The following CNTN4 variants were observed in gnomAD, a reference collection of about 807,000 sequenced individuals.
CNTN4 encodes contactin-4.
In CNTN4, 77 loss-of-function variants were observed where a neutral mutation model predicts 122.5. The ratio of observed to expected loss-of-function variants is 0.63; its 90% CI spans 0.52 to 0.76. CNTN4 has a LOEUF of 0.76. CNTN4 is among the 30% of genes least tolerant of loss of function. CNTN4 has a pLI of 0.00. For missense variants in CNTN4, 1,256 were observed against 1,259.1 expected, an observed-to-expected ratio of 1.00 and a Z score of 0.04; for synonymous variants, 512 against 447.0, an observed-to-expected ratio of 1.15 and a Z score of -1.83.
rs562616835 is a variant in CNTN4 at position 2,612,895 on chromosome 3, G to A, written c.55+41337G>A. On this transcript the variant is annotated intron_variant, in intron 4 of 24. Coordinates refer to ENST00000418658, the MANE Select transcript of CNTN4 (RefSeq NM_175607.3). ...ACACTGTTTCACCCCAAGAGTGTTA[G>A]CCTTAGTGACCTTGAGACAGAAGAA... 2.0e-5 allele frequency among the ~76,000 whole-genome samples: 3 copies of A among 152,268 alleles called. No individual in the cohort carries two copies. In the South Asian group the frequency reaches 6.2e-4, roughly 32 times the overall value.
intron 2 of CNTN4, among the ~76,000 whole-genome samples, chr3:2,131,864 TC>T (rs2034465238): frequency 6.6e-6 from 1 of 152,184 alleles, no homozygotes; most frequent in South Asian, 2.1e-4. Context: ...TGAGCTTTTT[TC>T]TTATTTGTAA....
chr3:2,428,386 G>T (rs567404806), intron 3 of CNTN4, among the ~76,000 whole-genome samples: 2 of 152,312 alleles, frequency 1.3e-5, no homozygotes, highest in Non-Finnish European at 2.9e-5. Context: ...CTTTAAGAAT[G>T]TTGAATATTG....
chr3:2,518,204 C>G (rs1575826256), intron 3 of CNTN4, among the ~76,000 whole-genome samples: 2 of 150,454 alleles, frequency 1.3e-5, no homozygotes, highest in South Asian at 4.2e-4. Flanking sequence ...AAAACAGTTT[C>G]TTAGGTTAAT....
intron 4 of CNTN4, among the ~76,000 whole-genome samples, chr3:2,719,263 A>G (rs1170876072): frequency 1.4e-5 from 2 of 142,644 alleles, no homozygotes; most frequent in Non-Finnish European, 3.1e-5. Context: ...TAACATTAGA[A>G]CATTAGAAAC....
At chr3:2,353,244 A>G (rs1316106059) in intron 3 of CNTN4, among the ~76,000 whole-genome samples, 1 of 151,908 alleles carries the variant, frequency 6.6e-6, no homozygotes, top group African/African-American at 2.4e-5. Flanking sequence ...AAATGCACCA[A>G]TCAGCACTCT....
intron 3 of CNTN4, among the ~76,000 whole-genome samples, chr3:2,541,323 A>C (rs1293541026): frequency 1.3e-5 from 2 of 152,110 alleles, no homozygotes; most frequent in Non-Finnish European, 2.9e-5. Flanking sequence ...AAAAATAGAC[A>C]ATATTAAAGC....
chr3:2,465,684 T>G (rs2075471885), intron 3 of CNTN4, among the ~76,000 whole-genome samples: 1 of 151,886 alleles, frequency 6.6e-6, no homozygotes, highest in Non-Finnish European at 1.5e-5. Flanking sequence ...CTCAAAAAAA[T>G]AAAAAATTCA....
At chr3:2,680,783 A>G (rs971441034) in intron 4 of CNTN4, among the ~76,000 whole-genome samples, 1 of 152,202 alleles carries the variant, frequency 6.6e-6, no homozygotes, top group African/African-American at 2.4e-5. Context: ...AAAGTTGGAT[A>G]CCAGTTTTAT....
At chr3:2,590,259 T>G (rs1407813201) in intron 4 of CNTN4, among the ~76,000 whole-genome samples, 1 of 152,190 alleles carries the variant, frequency 6.6e-6, no homozygotes, top group Admixed American at 6.5e-5. Flanking sequence ...TTCTTCTTTT[T>G]TTGTTGTTTT....
intron 8 of CNTN4, among the ~76,000 whole-genome samples, chr3:2,873,567 T>C (rs996565439): frequency 6.6e-6 from 1 of 152,206 alleles, no homozygotes; most frequent in African/African-American, 2.4e-5. Flanking sequence ...TCTGAAATAT[T>C]CTTGTTGCAG....
intron 2 of CNTN4, among the ~76,000 whole-genome samples, chr3:2,254,053 CT>C (rs2040481697): frequency 6.7e-6 from 1 of 149,118 alleles, no homozygotes; most frequent in East Asian, 2.0e-4. Context: ...CCCCACCCCC[CT>C]ACAGGCCCCA....
chr3:2,942,629 G>A (rs535468962), intron 13 of CNTN4, among the ~76,000 whole-genome samples: 3 of 152,330 alleles, frequency 2.0e-5, no homozygotes, highest in Admixed American at 1.3e-4. Flanking sequence ...GAAGCTTGAT[G>A]TAAGGGTACA....
chr3:2,751,023 C>T (rs1454989497), intron 6 of CNTN4, among the ~76,000 whole-genome samples: 1 of 152,092 alleles, frequency 6.6e-6, no homozygotes, highest in African/African-American at 2.4e-5. Context: ...TGCTTATGGC[C>T]AGGCGCGATG....
chr3:2,901,419 T>C (rs1201666372), intron 11 of CNTN4, among the ~76,000 whole-genome samples: 5 of 152,120 alleles, frequency 3.3e-5, no homozygotes, highest in African/African-American at 1.2e-4. Flanking sequence ...CTCGGAGCAA[T>C]GGCCCTCACA....
intron 4 of CNTN4, among the ~76,000 whole-genome samples, chr3:2,683,013 T>C (rs895618927): frequency 6.6e-6 from 1 of 152,086 alleles, no homozygotes; most frequent in African/African-American, 2.4e-5. Flanking sequence ...TTCAGAGTGA[T>C]TGAGATCTGT....
Position 2,310,180 on chromosome 3 carries a change from A to G in CNTN4, c.-144-28998A>G, listed in dbSNP as rs76864829. On this transcript the variant is annotated intron_variant, in intron 2 of 24. Coordinates refer to ENST00000418658, the MANE Select transcript of CNTN4 (RefSeq NM_175607.3). ...AGACATTACGATAAGGGGAAAGAGT[A>G]TTACAGCAACAGACAAATGACTTGG... Among the ~76,000 whole-genome samples, 859 of 152,220 alleles carry G rather than the reference A, an allele frequency of 5.6e-3. 13 individuals carry two copies. Among genetic ancestry groups the G allele is most frequent in the African/African-American group, 0.02 (825 of 41,542 alleles).
chr3:2,833,109 G>A (rs779186119), intron 7 of CNTN4, among the ~76,000 whole-genome samples: 4 of 152,164 alleles, frequency 2.6e-5, no homozygotes, highest in Non-Finnish European at 5.9e-5. Context: ...TGCTTTGGAA[G>A]GAACGCCTTA....
intron 13 of CNTN4, among the ~76,000 whole-genome samples, chr3:2,963,837 G>A (rs887787568): frequency 1.3e-5 from 2 of 152,100 alleles, no homozygotes; most frequent in Non-Finnish European, 2.9e-5. Context: ...GGCATTATTT[G>A]TCTTATTTAT....
chr3:2,738,865 A>G (rs2149507821), intron 5 of CNTN4, among the ~76,000 whole-genome samples: 1 of 152,198 alleles, frequency 6.6e-6, no homozygotes, highest in East Asian at 1.9e-4. Flanking sequence ...TCTAAATATG[A>G]CAGAAAAAAT....
Sources: gnomAD v4.1 joint callset for allele counts (sites outside exome capture counted in the v4.1 genomes callset) on GRCh38, gnomAD v4.1.1 for gene constraint, MANE v1.5 for transcripts, NCBI Gene and HGNC (gene_info 2026-07-23, HGNC 2026-07-21) for gene names.